GSG1L: variants seen among roughly 807,000 people sequenced by gnomAD.
The protein encoded by GSG1L is germ cell-specific gene 1-like protein.
Under a neutral mutation model 42.1 loss-of-function variants are expected in GSG1L, and 24 were observed. The observed-to-expected ratio is 0.57, with a 90% CI of 0.41 to 0.80. GSG1L has a LOEUF of 0.80. GSG1L is among the 30% of genes least tolerant of loss of function. GSG1L has a pLI of 0.00. For synonymous variants in GSG1L, 215 were observed against 203.5 expected (o/e 1.06, Z -0.48); for missense variants, 445 against 472.2 (o/e 0.94, Z 0.53).
intron 1 of GSG1L, among the ~76,000 whole-genome samples, chr16:28,012,860 G>A (rs1285465726): frequency 6.8e-6 from 1 of 146,712 alleles, no homozygotes; most frequent in Non-Finnish European, 1.5e-5. Flanking sequence ...TCATGCCACT[G>A]TACTCCAGCC....
intron 5 of GSG1L, among the ~76,000 whole-genome samples, chr16:27,825,853 T>C (rs1398053585): frequency 2.0e-5 from 3 of 152,194 alleles, no homozygotes; most frequent in East Asian, 1.9e-4. Context: ...GCTGCCGCCA[T>C]GTGAAGAAGG....
intron 1 of GSG1L, among the ~76,000 whole-genome samples, chr16:27,964,223 G>A (rs1178492273): frequency 6.6e-6 from 1 of 151,774 alleles, no homozygotes; most frequent in Non-Finnish European, 1.5e-5. Context: ...CCAGCTACTC[G>A]GGAGGCTGAG....
intron 2 of GSG1L, among the ~76,000 whole-genome samples, chr16:27,921,019 C>A (rs559692501): frequency 6.6e-6 from 1 of 152,092 alleles, no homozygotes; most frequent in African/African-American, 2.4e-5. Flanking sequence ...AGGTCCCTAC[C>A]CATTCTAAAA....
At position 27,920,847 on chromosome 16, in the gene GSG1L, G is replaced by A. The variant is rs145436456; in HGVS notation, c.398-36209C>T. On this transcript the variant is annotated intron_variant, in intron 2 of 6. Transcript: ENST00000447459. ...AGCAGAGGCAACCAGGCAGGGACAGGCTTCACGGCTGCAGTGGCCAAGAGC... is the reference window on the plus strand; with the variant it reads ...AGCAGAGGCAACCAGGCAGGGACAGACTTCACGGCTGCAGTGGCCAAGAGC... Among the ~76,000 whole-genome samples, 9 of 152,314 alleles carry A rather than the reference G, an allele frequency of 5.9e-5. No homozygotes were observed. In the East Asian group the frequency reaches 1.2e-3, roughly 20 times the overall value.
chr16:28,022,982 AT>A (rs2085861156), intron 1 of GSG1L, among the ~76,000 whole-genome samples: 1 of 151,840 alleles, frequency 6.6e-6, no homozygotes, highest in Admixed American at 6.6e-5. Context: ...CAACCAGTTA[AT>A]TTTTTTGTTT....
chr16:28,002,220 T>G lies in GSG1L; in HGVS notation c.350-39017A>C, dbSNP rs147304874. ...AATAAAATAAAACAGGATGCTGTGA[T>G]GGAATAACAGGGTGAGCGAGGCTTC... On this transcript the variant is annotated intron_variant, in intron 1 of 6. Coordinates refer to ENST00000447459, the MANE Select transcript of GSG1L (RefSeq NM_001109763.2). Among the ~76,000 whole-genome samples, 29 of 152,280 alleles carry G rather than the reference T, an allele frequency of 1.9e-4. 1 individual carries two copies. Among genetic ancestry groups the G allele is most frequent in the African/African-American group, 3.4e-4 (14 of 41,576 alleles).
rs980190313 is a variant in GSG1L, at chr16:27,839,432, A to G, written c.662+5518T>C. Among the ~76,000 whole-genome samples the G allele has an allele frequency of 3.9e-5, 6 of 152,282 alleles. No homozygotes were observed. The South Asian group carries it at 1.0e-3, about 26-fold the overall frequency. ...CAGGAGTAAGAGGAGAACTTTTTCC[A>G]TTTCTCTCCAGACTGATAAAAGGCA... On this transcript the variant is annotated intron_variant, in intron 4 of 6. Transcript: ENST00000447459.
chr16:27,989,081 GAAA>G (rs1488886963), intron 1 of GSG1L, among the ~76,000 whole-genome samples: 1 of 149,556 alleles, frequency 6.7e-6, no homozygotes. Flanking sequence ...AAGAAAAAAA[GAAA>G]AAGAAAGAAA....
At chr16:27,814,458 T>C (rs1215950534) in intron 5 of GSG1L, among the ~76,000 whole-genome samples, 3 of 152,204 alleles carry the variant, frequency 2.0e-5, no homozygotes, top group Admixed American at 2.0e-4. Context: ...GTTTCTCTCA[T>C]TCTATGCTTG....
At chr16:27,991,378 T>C (rs1014750782) in intron 1 of GSG1L, among the ~76,000 whole-genome samples, 3 of 152,062 alleles carry the variant, frequency 2.0e-5, no homozygotes, top group Non-Finnish European at 2.9e-5. Context: ...TTTTTGATTG[T>C]AGTATTTGTG....
intron 2 of GSG1L, among the ~76,000 whole-genome samples, chr16:27,945,612 C>T (rs1002408004): frequency 2.6e-5 from 4 of 152,184 alleles, no homozygotes; most frequent in Admixed American, 2.0e-4. Flanking sequence ...TTCAAGCAGA[C>T]GCCTGAGCAA....
chr16:27,976,321 G>A lies in GSG1L; in HGVS notation c.350-13118C>T, dbSNP rs370166027. ...CCAGACAATGTCTCTGCAACACGGA[G>A]GCCACATGTTTTCAGCAACAAATAG... On this transcript the variant is annotated intron_variant, in intron 1 of 6. Transcript: ENST00000447459. Among the ~76,000 whole-genome samples the A allele has an allele frequency of 3.9e-5, 6 of 152,194 alleles. No individual in the cohort carries two copies. In the East Asian group the frequency reaches 7.7e-4, roughly 20 times the overall value.
intron 2 of GSG1L, among the ~76,000 whole-genome samples, chr16:27,949,259 A>G (rs1480857974): frequency 6.6e-6 from 1 of 152,162 alleles, no homozygotes; most frequent in African/African-American, 2.4e-5. Context: ...TTGAAAAAAT[A>G]AACTGGCATA....
intron 4 of GSG1L, among the ~76,000 whole-genome samples, chr16:27,836,588 C>T (rs1385595828): frequency 1.3e-5 from 2 of 151,986 alleles, no homozygotes; most frequent in East Asian, 3.8e-4. Flanking sequence ...TTTCTATTGT[C>T]CTATCTTCAA....
chr16:27,819,908 A>G (rs1596533230), intron 5 of GSG1L, among the ~76,000 whole-genome samples: 1 of 152,138 alleles, frequency 6.6e-6, no homozygotes, highest in African/African-American at 2.4e-5. Flanking sequence ...TGCTGGATTC[A>G]CCCAGGTAAG....
intron 1 of GSG1L, among the ~76,000 whole-genome samples, chr16:27,964,494 G>A (rs2085107161): frequency 6.6e-6 from 1 of 152,162 alleles, no homozygotes; most frequent in South Asian, 2.1e-4. Context: ...ATTGTGGATA[G>A]CAGCACTATC....
intron 2 of GSG1L, among the ~76,000 whole-genome samples, chr16:27,896,979 T>A (rs2084199488): frequency 6.6e-6 from 1 of 152,348 alleles, no homozygotes; most frequent in East Asian, 1.9e-4. Flanking sequence ...TTCTCCTGCC[T>A]TAGCCTCCCG....
intron 2 of GSG1L, among the ~76,000 whole-genome samples, chr16:27,960,831 G>T (rs575190356): frequency 6.6e-6 from 1 of 152,182 alleles, no homozygotes; most frequent in East Asian, 1.9e-4. Context: ...GGCAAAGCCA[G>T]CCCACTCAGC....
intron 1 of GSG1L, among the ~76,000 whole-genome samples, chr16:28,019,981 C>T (rs935606450): frequency 2.0e-4 from 30 of 152,230 alleles, no homozygotes; most frequent in Admixed American, 1.7e-3. Flanking sequence ...TCACCTGTCT[C>T]GCCTTGTAGG....
Sources: gnomAD v4.1 joint callset for allele counts (sites outside exome capture counted in the v4.1 genomes callset) on GRCh38, gnomAD v4.1.1 for gene constraint, MANE v1.5 for transcripts, NCBI Gene and HGNC (gene_info 2026-07-23, HGNC 2026-07-21) for gene names.